The following MDGA2 variants were observed in gnomAD, a reference collection of about 807,000 sequenced individuals.
MDGA2 encodes MAM domain containing glycosylphosphatidylinositol anchor 2.
Under a neutral mutation model 117.8 loss-of-function variants are expected in MDGA2, and 40 were observed. The observed-to-expected ratio is 0.34, with a 90% CI of 0.26 to 0.44. The LOEUF (loss-of-function observed/expected upper bound fraction) is 0.44. Ranked by LOEUF, MDGA2 falls within the 20% of genes least tolerant of loss-of-function variation. MDGA2 has a pLI of 1.00. For synonymous variants in MDGA2, 452 were observed against 439.0 expected, an observed-to-expected ratio of 1.03 and a Z score of -0.37; for missense variants, 1,123 against 1,250.6, an observed-to-expected ratio of 0.90 and a Z score of 1.54.
At chr14:47,647,530 C>G (rs1336521771) in intron 1 of MDGA2, among the ~76,000 whole-genome samples, 1 of 152,090 alleles carries the variant, frequency 6.6e-6, no homozygotes, top group East Asian at 1.9e-4. Context: ...GATCAAAACC[C>G]AACTGGAGAC....
intron 1 of MDGA2, among the ~76,000 whole-genome samples, chr14:47,579,031 A>G (rs1896179026): frequency 6.6e-6 from 1 of 152,136 alleles, no homozygotes; most frequent in Admixed American, 6.6e-5. Context: ...TCAATTTTTT[A>G]ATACAAATAT....
chr14:47,040,897 C>T (rs1173243380), intron 7 of MDGA2, among the ~76,000 whole-genome samples: 1 of 152,076 alleles, frequency 6.6e-6, no homozygotes, highest in Non-Finnish European at 1.5e-5. Context: ...TCTTGCTTTC[C>T]TGTTTGGCAC....
intron 8 of MDGA2, chr14:46,996,503 C>T (rs373502249): frequency 6.6e-6 from 1 of 152,218 alleles, no homozygotes; most frequent in African/African-American, 2.4e-5. Context: ...GAAAAAAAAT[C>T]AAGAGCCCAA....
chr14:47,416,767 T>C (rs1196369198), intron 1 of MDGA2, among the ~76,000 whole-genome samples: 1 of 152,088 alleles, frequency 6.6e-6, no homozygotes, highest in South Asian at 2.1e-4. Flanking sequence ...AGCTTCTGCA[T>C]CCTGTGCCCC....
At chr14:47,321,619 C>A (rs568204739) in intron 1 of MDGA2, among the ~76,000 whole-genome samples, 37 of 152,158 alleles carry the variant, frequency 2.4e-4, no homozygotes, top group African/African-American at 8.7e-4. Flanking sequence ...TCACAGACTA[C>A]CCTGTGATAC....
chr14:47,228,923 G>C (rs1461550882), intron 2 of MDGA2, among the ~76,000 whole-genome samples: 1 of 151,980 alleles, frequency 6.6e-6, no homozygotes, highest in Non-Finnish European at 1.5e-5. Flanking sequence ...GGCCACTTAG[G>C]CACCCTCTGC....
intron 3 of MDGA2, among the ~76,000 whole-genome samples, chr14:47,148,456 C>A (rs530757095): frequency 1.3e-5 from 2 of 152,152 alleles, no homozygotes; most frequent in African/African-American, 4.8e-5. Context: ...CTCTGTAAGA[C>A]TCAATTGCCC....
At chr14:47,179,559 G>C (rs901544710) in intron 3 of MDGA2, among the ~76,000 whole-genome samples, 1 of 151,854 alleles carries the variant, frequency 6.6e-6, no homozygotes, top group African/African-American at 2.4e-5. Context: ...CATAATTAAA[G>C]GTTTGGGGTT....
chr14:47,529,626 A>T (rs1174434665), intron 1 of MDGA2, among the ~76,000 whole-genome samples: 1 of 152,204 alleles, frequency 6.6e-6, no homozygotes, highest in East Asian at 1.9e-4. Context: ...CTTAGTGATC[A>T]TTAACAAAGA....
intron 1 of MDGA2, among the ~76,000 whole-genome samples, chr14:47,672,843 C>G (rs564054212): frequency 4.6e-5 from 7 of 152,110 alleles, no homozygotes; most frequent in Non-Finnish European, 8.8e-5. Flanking sequence ...CACCGGGGTC[C>G]AGGATAGTCA....
intron 10 of MDGA2, among the ~76,000 whole-genome samples, chr14:46,908,844 C>A (rs116976806): frequency 1.3e-5 from 2 of 152,022 alleles, no homozygotes; most frequent in Admixed American, 1.3e-4. Flanking sequence ...AAATTAGATT[C>A]CTTCTTTCCC....
chr14:46,920,400 T>A (rs577022256), intron 9 of MDGA2, among the ~76,000 whole-genome samples: 1 of 152,298 alleles, frequency 6.6e-6, no homozygotes, highest in African/African-American at 2.4e-5. Context: ...GAATGGGATT[T>A]TCATCAACCA....
At chr14:46,969,930 TTCCATATATA>T (rs1202733684) in intron 8 of MDGA2, among the ~76,000 whole-genome samples, 21 of 135,814 alleles carry the variant, frequency 1.5e-4, no homozygotes, top group African/African-American at 4.6e-4. Flanking sequence ...ACTTAAAGTA[TTCCATATATA>T]TATATATATA....
At chr14:47,480,768 G>T in intron 1 of MDGA2, among the ~76,000 whole-genome samples, 1 of 151,342 alleles carries the variant, frequency 6.6e-6, no homozygotes, top group African/African-American at 2.4e-5. Flanking sequence ...ATATTTTTGT[G>T]GTGTGCTATA....
At chr14:47,429,847 A>G (rs1301228368) in intron 1 of MDGA2, among the ~76,000 whole-genome samples, 2 of 151,668 alleles carry the variant, frequency 1.3e-5, no homozygotes, top group African/African-American at 2.4e-5. Context: ...TTCAGAAGAC[A>G]GTAAAATAAT....
At chr14:47,616,415 G>A (rs186221531) in intron 1 of MDGA2, among the ~76,000 whole-genome samples, 15 of 152,274 alleles carry the variant, frequency 9.9e-5, no homozygotes, top group Non-Finnish European at 1.8e-4. Flanking sequence ...AAAAAAAGAA[G>A]AAGACCTAAA....
intron 9 of MDGA2, among the ~76,000 whole-genome samples, chr14:46,928,033 G>A (rs967421978): frequency 2.6e-5 from 4 of 151,972 alleles, no homozygotes; most frequent in African/African-American, 9.7e-5. Flanking sequence ...ATCTGCTTGG[G>A]CATAAGGTAC....
At chr14:47,338,534 C>T (rs573809061) in intron 1 of MDGA2, among the ~76,000 whole-genome samples, 1 of 151,760 alleles carries the variant, frequency 6.6e-6, no homozygotes, top group African/African-American at 2.4e-5. Flanking sequence ...GGAATCATAA[C>T]CAAAGGCAGA....
chr14:47,229,136 A>T (rs1886604276), intron 2 of MDGA2, among the ~76,000 whole-genome samples: 1 of 152,164 alleles, frequency 6.6e-6, no homozygotes. Context: ...CAAGCTTGCT[A>T]AATTAACTAT....
Sources: gnomAD v4.1 joint callset for allele counts (sites outside exome capture counted in the v4.1 genomes callset) on GRCh38, gnomAD v4.1.1 for gene constraint, MANE v1.5 for transcripts, NCBI Gene and HGNC (gene_info 2026-07-23, HGNC 2026-07-21) for gene names.